The following DMD variants were observed in gnomAD, a reference collection of about 807,000 sequenced individuals.
The protein encoded by DMD is dystrophin.
DMD carries 63 observed loss-of-function variants against 330.1 expected under a neutral mutation model. The ratio of observed to expected loss-of-function variants is 0.19; its 90% CI spans 0.16 to 0.24. The LOEUF is 0.24. Among genes scored for constraint, DMD ranks in the 10% least tolerant of loss-of-function variants. DMD has a pLI of 1.00. For synonymous variants in DMD, 1,223 were observed against 959.8 expected (o/e 1.27, Z -5.07); for missense variants, 3,344 against 2,684.1 (o/e 1.25, Z -5.43).
chrX:33,251,637 G>T (rs2052772895), intron 1 of DMD, among the ~76,000 whole-genome samples: 1 of 111,731 alleles, frequency 9.0e-6, no homozygotes, highest in Admixed American at 9.6e-5. Context: ...ATAGATATAT[G>T]ACCATCAGTG....
intron 7 of DMD, among the ~76,000 whole-genome samples, chrX:32,714,429 C>T (rs1210626217): frequency 9.0e-6 from 1 of 111,561 alleles, no homozygotes; most frequent in Non-Finnish European, 1.9e-5. Context: ...ATTTGATTTT[C>T]TGTTTCTGAC....
At chrX:32,096,939 G>T (rs1045035247) in intron 44 of DMD, among the ~76,000 whole-genome samples, 4 of 111,528 alleles carry the variant, frequency 3.6e-5, no homozygotes, top group African/African-American at 9.8e-5. Context: ...CTAGAATAAC[G>T]ACAGCTTTAA....
At chrX:32,720,167 A>T (rs1340061602) in intron 7 of DMD, among the ~76,000 whole-genome samples, 1 of 111,050 alleles carries the variant, frequency 9.0e-6, no homozygotes, top group African/African-American at 3.3e-5. Flanking sequence ...TACCTTACAA[A>T]AGAGTTTTTG....
intron 76 of DMD, among the ~76,000 whole-genome samples, chrX:31,137,307 C>T (rs1313855732): frequency 8.9e-6 from 1 of 112,449 alleles, no homozygotes; most frequent in East Asian, 2.8e-4. Flanking sequence ...GCGTGAGCCA[C>T]CACGCCCAGG....
intron 43 of DMD, among the ~76,000 whole-genome samples, chrX:32,257,752 T>C (rs1255197404): frequency 9.0e-6 from 1 of 110,642 alleles, no homozygotes; most frequent in African/African-American, 3.3e-5. Context: ...AGGACACAAG[T>C]ACGGGGAAAG....
intron 2 of DMD, among the ~76,000 whole-genome samples, chrX:32,997,438 G>T (rs896386181): frequency 9.0e-6 from 1 of 111,328 alleles, no homozygotes; most frequent in Non-Finnish European, 1.9e-5. Context: ...TAGAGACAGG[G>T]TTTAACCATG....
chrX:31,650,765 G>C (rs1164897581), intron 54 of DMD, among the ~76,000 whole-genome samples: 1 of 111,647 alleles, frequency 9.0e-6, no homozygotes, highest in Non-Finnish European at 1.9e-5. Context: ...AAAAATTTGA[G>C]AATGCTTTTG....
chrX:32,641,232 G>A (rs764742139), intron 11 of DMD, among the ~76,000 whole-genome samples: 99 of 109,728 alleles, frequency 9.0e-4, no homozygotes, highest in Non-Finnish European at 1.7e-3. Context: ...ATTCCTATCC[G>A]GTATTTTTCT....
chrX:32,249,957 C>A (rs1446171481), intron 43 of DMD, among the ~76,000 whole-genome samples: 1 of 107,822 alleles, frequency 9.3e-6, no homozygotes, highest in African/African-American at 3.5e-5. Flanking sequence ...CCTTCATTTT[C>A]TGATTAAAAC....
At chrX:31,434,393 C>T (rs1261674366) in intron 60 of DMD, among the ~76,000 whole-genome samples, 1 of 102,205 alleles carries the variant, frequency 9.8e-6, no homozygotes, top group Non-Finnish European at 2.0e-5. Context: ...CCTTTCCTGC[C>T]TCTCACCCTT....
At chrX:32,256,203 C>T (rs2097297912) in intron 43 of DMD, among the ~76,000 whole-genome samples, 1 of 111,143 alleles carries the variant, frequency 9.0e-6, no homozygotes, top group African/African-American at 3.3e-5. Context: ...GTTAGTTCTT[C>T]TTGTTGCGTT....
chrX:31,925,097 G>C (rs12857848), intron 47 of DMD, among the ~76,000 whole-genome samples: 2 of 111,467 alleles, frequency 1.8e-5, no homozygotes, highest in African/African-American at 6.5e-5. Context: ...AGCAGAGAAG[G>C]TTCTAGAAAG....
chrX:31,368,638 C>G (rs1387745258), intron 60 of DMD, among the ~76,000 whole-genome samples: 1 of 108,991 alleles, frequency 9.2e-6, no homozygotes, highest in East Asian at 2.8e-4. Flanking sequence ...TTACTTGCAC[C>G]CAGGTCCCCC....
chrX:31,689,499 G>A (rs1477845317), intron 52 of DMD, among the ~76,000 whole-genome samples: 4 of 111,925 alleles, frequency 3.6e-5, no homozygotes, highest in African/African-American at 1.3e-4. Flanking sequence ...AACATTCCAT[G>A]CTCATGGATA....
chrX:32,673,292 G>A (rs980186146), intron 9 of DMD, among the ~76,000 whole-genome samples: 2 of 110,751 alleles, frequency 1.8e-5, no homozygotes, highest in African/African-American at 6.5e-5. Flanking sequence ...ATTAAACAAT[G>A]GTCTATTTTA....
rs181501551 is a variant in DMD at position 33,225,340 on chromosome X, T to C, written c.7+113919A>G. Among the ~76,000 whole-genome samples the C allele has an allele frequency of 4.1e-3, 463 of 111,600 alleles. 2 individuals are homozygous for C. Among genetic ancestry groups the C allele is most frequent in the Middle Eastern group, 9.2e-3 (2 of 218 alleles). On this transcript the variant is annotated intron_variant, in intron 1 of 17. Transcript: ENST00000288447. ...TAAATAGCTACAGTAATCAAGATAG[T>C]GTGGTGTTGGTGTTGGGATAGACAC...
At chrX:32,191,618 C>A (rs1603627981) in intron 44 of DMD, among the ~76,000 whole-genome samples, 2 of 111,315 alleles carry the variant, frequency 1.8e-5, no homozygotes, top group Middle Eastern at 9.2e-3. Context: ...CCCTCAGTAT[C>A]CATGGGGGAT....
intron 44 of DMD, among the ~76,000 whole-genome samples, chrX:32,207,776 C>A (rs1162051486): frequency 9.0e-6 from 1 of 111,516 alleles, no homozygotes; most frequent in African/African-American, 3.3e-5. Flanking sequence ...TCCATTAAGC[C>A]AGGCTGCACA....
At chrX:33,259,612 A>C (rs1279118486) in intron 1 of DMD, among the ~76,000 whole-genome samples, 2 of 76,154 alleles carry the variant, frequency 2.6e-5, no homozygotes, top group African/African-American at 5.2e-5. Flanking sequence ...CCCCCCCCAA[A>C]AAAAAAAAGG....
Sources: gnomAD v4.1 joint callset for allele counts (sites outside exome capture counted in the v4.1 genomes callset) on GRCh38, gnomAD v4.1.1 for gene constraint, MANE v1.5 for transcripts, NCBI Gene and HGNC (gene_info 2026-07-23, HGNC 2026-07-21) for gene names.